The following PHACTR1 variants were observed in gnomAD, a reference collection of about 807,000 sequenced individuals.
PHACTR1 encodes phosphatase and actin regulator 1.
In PHACTR1, 16 loss-of-function variants were observed where a neutral mutation model predicts 69.2. The ratio of observed to expected loss-of-function variants is 0.23; its 90% CI spans 0.16 to 0.35. PHACTR1 has a LOEUF of 0.35. PHACTR1 is among the 10% of genes least tolerant of loss of function. The probability of loss-of-function intolerance (pLI) is 1.00; values close to 1 mark genes in which losing one functional copy is unlikely to be tolerated. For synonymous variants in PHACTR1, 312 were observed against 284.5 expected, an observed-to-expected ratio of 1.10 and a Z score of -0.97; for missense variants, 510 against 734.7, an observed-to-expected ratio of 0.69 and a Z score of 3.54.
intron 4 of PHACTR1, among the ~76,000 whole-genome samples, chr6:12,955,318 C>T (rs547318576): frequency 6.6e-6 from 1 of 151,182 alleles, no homozygotes; most frequent in African/African-American, 2.4e-5. Flanking sequence ...CCCACCTCAA[C>T]CTCCCCAGTA....
chr6:13,121,409 C>A (rs903852325), intron 5 of PHACTR1, among the ~76,000 whole-genome samples: 1 of 152,156 alleles, frequency 6.6e-6, no homozygotes, highest in Non-Finnish European at 1.5e-5. Flanking sequence ...TAATATAGTA[C>A]TTCCTTCAGA....
chr6:12,718,538 T>C (rs1761683630), intron 2 of PHACTR1, 161 bp from the exon 3 acceptor site: 1 of 329,416 alleles, frequency 3.0e-6, no homozygotes, highest in Admixed American at 4.6e-5. Flanking sequence ...TCTCACACGG[T>C]AGGAAAGCTA....
At chr6:13,119,317 T>C (rs1342876707) in intron 5 of PHACTR1, among the ~76,000 whole-genome samples, 1 of 152,226 alleles carries the variant, frequency 6.6e-6, no homozygotes, top group Admixed American at 6.5e-5. Flanking sequence ...GCATTTGGCT[T>C]CAGAATTGAC....
intron 5 of PHACTR1, among the ~76,000 whole-genome samples, chr6:13,157,696 G>T (rs542009757): frequency 6.6e-6 from 1 of 152,286 alleles, no homozygotes; most frequent in East Asian, 1.9e-4. Context: ...ACCTCATTTT[G>T]TTTAAGAGAA....
chr6:13,282,214 A>G (rs1352673542), intron 12 of PHACTR1, among the ~76,000 whole-genome samples: 2 of 152,212 alleles, frequency 1.3e-5, no homozygotes, highest in Admixed American at 1.3e-4. Context: ...ATAGAATTAC[A>G]CAGAGTCTAG....
At chr6:12,785,017 T>C (rs1249447069) in intron 4 of PHACTR1, among the ~76,000 whole-genome samples, 1 of 151,674 alleles carries the variant, frequency 6.6e-6, no homozygotes, top group Non-Finnish European at 1.5e-5. Flanking sequence ...CCATATTTTA[T>C]ATTATACATA....
chr6:12,728,289 C>T (rs549831785), intron 3 of PHACTR1, among the ~76,000 whole-genome samples: 1 of 152,094 alleles, frequency 6.6e-6, no homozygotes, highest in Non-Finnish European at 1.5e-5. Context: ...ACTGCACCAG[C>T]CTGGGCAATG....
intron 4 of PHACTR1, among the ~76,000 whole-genome samples, chr6:12,814,484 C>A (rs1775365674): frequency 6.6e-6 from 1 of 152,242 alleles, no homozygotes; most frequent in Non-Finnish European, 1.5e-5. Context: ...GGAAAGCGCA[C>A]TGAATTGGGA....
At chr6:12,734,020 A>G (rs1190867606) in intron 3 of PHACTR1, among the ~76,000 whole-genome samples, 1 of 152,042 alleles carries the variant, frequency 6.6e-6, no homozygotes, top group Non-Finnish European at 1.5e-5. Flanking sequence ...CCTGAAGCAC[A>G]TTTTCTTTTT....
intron 6 of PHACTR1, among the ~76,000 whole-genome samples, chr6:13,167,785 G>A (rs1760026428): frequency 6.6e-6 from 1 of 152,148 alleles, no homozygotes; most frequent in African/African-American, 2.4e-5. Context: ...GTTGGAAGGT[G>A]TTATTTTTAA....
At chr6:13,186,588 A>AT (rs1762852559) in intron 7 of PHACTR1, among the ~76,000 whole-genome samples, 1 of 152,244 alleles carries the variant, frequency 6.6e-6, no homozygotes, top group Non-Finnish European at 1.5e-5. Context: ...TTCCCTTAAG[A>AT]AAGATTAAAC....
intron 10 of PHACTR1, chr6:13,266,763 C>T (rs1776783005): frequency 6.6e-6 from 1 of 152,274 alleles, no homozygotes; most frequent in Non-Finnish European, 1.5e-5. Flanking sequence ...ACTAGAACAG[C>T]ACCAAGTGGT....
chr6:13,013,257 G>A (rs1333364854), intron 4 of PHACTR1, among the ~76,000 whole-genome samples: 1 of 152,186 alleles, frequency 6.6e-6, no homozygotes, highest in Non-Finnish European at 1.5e-5. Context: ...TGACCCTGGC[G>A]TTAAACAATC....
intron 5 of PHACTR1, among the ~76,000 whole-genome samples, chr6:13,133,585 G>A (rs1304460943): frequency 1.3e-5 from 2 of 152,094 alleles, no homozygotes; most frequent in South Asian, 2.1e-4. Context: ...ACGGAGTCTC[G>A]CTCACTCAGT....
In PHACTR1 at chr6:12,966,096, G is replaced by C. The variant is rs186258843; in HGVS notation, c.251-87269G>C. On this transcript the variant is annotated intron_variant, in intron 4 of 14. Transcript: ENST00000332995. ...CAAGTGGAGGGCTACGAGGAGGAAG[G>C]GGTGCAGGAGGACCCTGAAGTCAGG... Among the ~76,000 whole-genome samples, 21 of 152,270 alleles carry C rather than the reference G, an allele frequency of 1.4e-4. No homozygotes were observed. The East Asian group carries it at 4.1e-3, about 29-fold the overall frequency.
At chr6:13,137,129 G>A (rs777540495) in intron 5 of PHACTR1, among the ~76,000 whole-genome samples, 29 of 152,334 alleles carry the variant, frequency 1.9e-4, no homozygotes, top group Non-Finnish European at 3.1e-4. Context: ...AGGTACGCTT[G>A]TATTTTGTTA....
intron 4 of PHACTR1, among the ~76,000 whole-genome samples, chr6:12,905,803 A>G (rs2127488662): frequency 6.6e-6 from 1 of 152,324 alleles, no homozygotes; most frequent in East Asian, 1.9e-4. Flanking sequence ...CCTTTTATAC[A>G]TTTAAGATGA....
chr6:12,847,479 C>T (rs950989909), intron 4 of PHACTR1, among the ~76,000 whole-genome samples: 1 of 152,092 alleles, frequency 6.6e-6, no homozygotes, highest in African/African-American at 2.4e-5. Flanking sequence ...TCAATACTTA[C>T]TGAGAATCTA....
chr6:12,852,566 A>G (rs1259318864), intron 4 of PHACTR1, among the ~76,000 whole-genome samples: 1 of 152,086 alleles, frequency 6.6e-6, no homozygotes, highest in Non-Finnish European at 1.5e-5. Flanking sequence ...TGATTTCTGC[A>G]ATCTCTTTAT....
Sources: gnomAD v4.1 joint callset for allele counts (sites outside exome capture counted in the v4.1 genomes callset) on GRCh38, gnomAD v4.1.1 for gene constraint, MANE v1.5 for transcripts, NCBI Gene and HGNC (gene_info 2026-07-23, HGNC 2026-07-21) for gene names.